The following C2orf76 variants were observed in gnomAD, a reference collection of about 807,000 sequenced individuals.
The protein encoded by C2orf76 is UPF0538 protein C2orf76.
C2orf76 carries 23 observed loss-of-function variants against 16.9 expected under a neutral mutation model. The ratio of observed to expected loss-of-function variants is 1.36; its 90% CI spans 0.98 to 1.93. C2orf76 has a LOEUF of 1.93. C2orf76 is among the 30% of genes most tolerant of loss of function. The pLI is 0.00. For synonymous variants in C2orf76, 48 were observed against 52.3 expected, an observed-to-expected ratio of 0.92 and a Z score of 0.35; for missense variants, 152 against 152.6, an observed-to-expected ratio of 1.00 and a Z score of 0.02.
At chr2:119,359,217 G>A (rs1680665904) in intron 1 of C2orf76, among the ~76,000 whole-genome samples, 1 of 152,170 alleles carries the variant, frequency 6.6e-6, no homozygotes, top group South Asian at 2.1e-4. Context: ...TAAGCCCACT[G>A]TTGAGACCTA....
At chr2:119,323,308 T>C (rs898773860) in intron 2 of C2orf76, among the ~76,000 whole-genome samples, 9 of 152,204 alleles carry the variant, frequency 5.9e-5, no homozygotes, top group East Asian at 5.8e-4. Flanking sequence ...CATGAGCCAC[T>C]ACACCTGGTC....
intron 1 of C2orf76, among the ~76,000 whole-genome samples, chr2:119,363,735 T>A (rs1282131101): frequency 6.6e-6 from 1 of 152,172 alleles, no homozygotes; most frequent in Non-Finnish European, 1.5e-5. Context: ...TATTAATATA[T>A]CTTGCCAGGG....
At chr2:119,333,081 C>T (rs114935361) in intron 2 of C2orf76, among the ~76,000 whole-genome samples, 9 of 152,258 alleles carry the variant, frequency 5.9e-5, no homozygotes, top group Admixed American at 2.0e-4. Context: ...TTAAAGAATG[C>T]GCAGCACATC....
At chr2:119,300,874 G>T (rs1678609459), downstream of C2orf76, among the ~76,000 whole-genome samples, 1 of 152,098 alleles carries the variant, frequency 6.6e-6, no homozygotes, top group African/African-American at 2.4e-5. Flanking sequence ...ACCACTATAA[G>T]GTCGAAACAT....
At chr2:119,361,825 A>G (rs1680755222) in intron 1 of C2orf76, among the ~76,000 whole-genome samples, 1 of 150,958 alleles carries the variant, frequency 6.6e-6, no homozygotes, top group Middle Eastern at 3.2e-3. Context: ...CAATCTATAT[A>G]GTTAGCTCAA....
At chr2:119,289,347 C>G in the C2orf76 span, among the ~76,000 whole-genome samples, 8 of 152,180 alleles carry the variant, frequency 5.3e-5, no homozygotes, top group African/African-American at 1.9e-4. Context: ...ACCAAGTCTC[C>G]TTGACATCTT....
chr2:119,321,464 G>C (rs182982864), intron 2 of C2orf76, among the ~76,000 whole-genome samples: 37 of 152,162 alleles, frequency 2.4e-4, no homozygotes, highest in Non-Finnish European at 4.4e-4. Context: ...AATCATGGCA[G>C]GTGAAAGAGG....
Position 119,344,833 on chromosome 2 carries a change from A to G in C2orf76, c.-12-4862T>C, listed in dbSNP as rs114167361. Among the ~76,000 whole-genome samples the G allele has an allele frequency of 4.2e-3, 643 of 152,304 alleles. 3 individuals are homozygous for G. Among genetic ancestry groups the G allele is most frequent in the African/African-American group, 0.015 (611 of 41,582 alleles). On this transcript the variant is annotated intron_variant, in intron 1 of 5. Coordinates refer to ENST00000334816, the MANE Select transcript of C2orf76 (RefSeq NM_001322331.2). ...TACTGGAGCAGAAATAGATGGACAAATCTGTGAAATCTAACAGAGAAGTCA... is the reference window on the plus strand; with the variant it reads ...TACTGGAGCAGAAATAGATGGACAAGTCTGTGAAATCTAACAGAGAAGTCA...
intron 4 of C2orf76, among the ~76,000 whole-genome samples, chr2:119,312,259 G>C (rs139024347): frequency 1.4e-3 from 215 of 151,850 alleles, no homozygotes; most frequent in Middle Eastern, 0.01. Flanking sequence ...TTTTCGTTTT[G>C]TTTTTCGAGA....
chr2:119,334,699 AC>A (rs66725344), intron 2 of C2orf76, among the ~76,000 whole-genome samples: 6,691 of 112,820 alleles, frequency 0.059, 204 homozygotes, highest in African/African-American at 0.11. Flanking sequence ...TCAGAAAAAA[AC>A]AAAATATATA....
intron 2 of C2orf76, 103 bp from the exon 3 acceptor site, chr2:119,321,307 C>T: frequency 1.5e-6 from 1 of 658,214 alleles, no homozygotes; most frequent in Non-Finnish European, 2.6e-6. Context: ...ACTAAGTTAC[C>T]TTGAAAAACC....
At chr2:119,330,955 C>T (rs1486284531) in intron 2 of C2orf76, among the ~76,000 whole-genome samples, 1 of 152,120 alleles carries the variant, frequency 6.6e-6, no homozygotes, top group Non-Finnish European at 1.5e-5. Context: ...GCAATATGGT[C>T]ATAATTATCT....
chr2:119,284,764 A>T, the C2orf76 span, among the ~76,000 whole-genome samples: 1 of 151,440 alleles, frequency 6.6e-6, no homozygotes, highest in African/African-American at 2.4e-5. Flanking sequence ...GGACATTTTT[A>T]AAAGTAAATA....
intron 2 of C2orf76, chr2:119,339,229 T>G (rs1366213240): frequency 6.6e-6 from 1 of 152,220 alleles, no homozygotes; most frequent in Non-Finnish European, 1.5e-5. Context: ...GAAACCTTAT[T>G]TTAGATGTTT....
chr2:119,339,000 G>A (rs1679939870), intron 2 of C2orf76: 1 of 152,170 alleles, frequency 6.6e-6, no homozygotes, highest in South Asian at 2.1e-4. Flanking sequence ...GCCTCCGCAG[G>A]AATAAAACAA....
chr2:119,314,153 C>T (rs567810358), intron 4 of C2orf76, among the ~76,000 whole-genome samples: 12 of 151,442 alleles, frequency 7.9e-5, no homozygotes, highest in East Asian at 5.8e-4. Context: ...CCCTTCTTCA[C>T]GCCAAGATTT....
At chr2:119,331,324 T>G (rs1558786537) in intron 2 of C2orf76, among the ~76,000 whole-genome samples, 1 of 152,214 alleles carries the variant, frequency 6.6e-6, no homozygotes. Context: ...CCCGATAACC[T>G]GTGAATAACA....
chr2:119,324,958 T>C (rs1451777232), intron 2 of C2orf76, among the ~76,000 whole-genome samples: 2 of 152,196 alleles, frequency 1.3e-5, no homozygotes, highest in Non-Finnish European at 2.9e-5. Flanking sequence ...TGGAGGAAAT[T>C]ACTTTCATTC....
chr2:119,339,575 T>TTA (rs548302406), intron 2 of C2orf76, among the ~76,000 whole-genome samples: 1 of 141,676 alleles, frequency 7.1e-6, no homozygotes. Flanking sequence ...TACTTTTAAT[T>TTA]AAAAAAAAAA....
Sources: allele counts gnomAD v4.1 joint callset (sites outside exome capture counted in the v4.1 genomes callset), GRCh38; gene constraint gnomAD v4.1.1; transcripts MANE v1.5; gene names NCBI Gene and HGNC (gene_info 2026-07-23, HGNC 2026-07-21).